PTPRR: variants seen among roughly 807,000 people sequenced by gnomAD.
The protein encoded by PTPRR is protein tyrosine phosphatase receptor type R.
Under a neutral mutation model 77.2 loss-of-function variants are expected in PTPRR, and 38 were observed. The ratio of observed to expected loss-of-function variants is 0.49; its 90% confidence interval spans 0.38 to 0.65. The LOEUF is 0.65. Ranked by LOEUF, PTPRR falls within the 30% of genes least tolerant of loss-of-function variation. PTPRR has a pLI of 0.00. For synonymous variants in PTPRR, 299 were observed against 283.1 expected (o/e 1.06, Z -0.57); for missense variants, 744 against 799.2 (o/e 0.93, Z 0.83).
intron 2 of PTPRR, among the ~76,000 whole-genome samples, chr12:70,831,888 T>G (rs905416610): frequency 6.6e-6 from 1 of 152,196 alleles, no homozygotes; most frequent in Non-Finnish European, 1.5e-5. Flanking sequence ...GGGTTCTTCT[T>G]GTAGCACTCT....
intron 2 of PTPRR, among the ~76,000 whole-genome samples, chr12:70,770,681 T>G (rs1265623163): frequency 1.3e-5 from 2 of 152,184 alleles, no homozygotes; most frequent in Non-Finnish European, 2.9e-5. Flanking sequence ...CTATAAATCA[T>G]GCTGCTATAA....
chr12:70,780,742 T>G (rs942558615), intron 2 of PTPRR, among the ~76,000 whole-genome samples: 1 of 152,206 alleles, frequency 6.6e-6, no homozygotes, highest in African/African-American at 2.4e-5. Context: ...CCCTGATGTT[T>G]TATTCTGTGT....
At chr12:70,742,962 T>C (rs561812577) in intron 6 of PTPRR, among the ~76,000 whole-genome samples, 34 of 152,284 alleles carry the variant, frequency 2.2e-4, no homozygotes, top group Non-Finnish European at 4.3e-4. Context: ...GTTGGTAGTG[T>C]TTAAGAAAGG....
chr12:70,761,677 G>A lies in PTPRR; in HGVS notation c.472-51C>T, dbSNP rs531375097. 4 of 1,384,478 alleles carry A rather than the reference G, an allele frequency of 2.9e-6. No homozygotes were observed. In the Admixed American group the frequency reaches 7.4e-5, roughly 26 times the overall value. The allele number at this position is 1,384,478 out of a possible 1,614,324, so 85.8% of individuals were successfully genotyped here. The stretch of plus-strand genomic sequence containing the variant: ...TGTTATAGACATTTTAAACAACTTT[G>A]GATAATATTTTTACCTGTCCTTTAG... On this transcript the variant is annotated intron_variant, in intron 3 of 13. Coordinates refer to ENST00000283228, the MANE Select transcript of PTPRR (RefSeq NM_002849.4).
intron 2 of PTPRR, among the ~76,000 whole-genome samples, chr12:70,891,674 A>C (rs1200819582): frequency 6.6e-6 from 1 of 152,144 alleles, no homozygotes; most frequent in East Asian, 1.9e-4. Context: ...AAACTAGATC[A>C]TAATAAATAC....
At chr12:70,742,712 G>T (rs2136919093) in intron 6 of PTPRR, among the ~76,000 whole-genome samples, 2 of 152,270 alleles carry the variant, frequency 1.3e-5, no homozygotes, top group South Asian at 4.1e-4. Flanking sequence ...AGAATTCGAG[G>T]TGGGGACCAG....
At chr12:70,798,914 C>T (rs1404434050) in intron 2 of PTPRR, among the ~76,000 whole-genome samples, 1 of 152,072 alleles carries the variant, frequency 6.6e-6, no homozygotes, top group African/African-American at 2.4e-5. Flanking sequence ...CTATCCTAGT[C>T]CCTGGTACAT....
At chr12:70,711,906 A>G (rs997889121) in intron 6 of PTPRR, among the ~76,000 whole-genome samples, 9 of 152,106 alleles carry the variant, frequency 5.9e-5, no homozygotes, top group Non-Finnish European at 1.3e-4. Flanking sequence ...CTCTCTCCAG[A>G]GTTTCTCCAA....
chr12:70,828,854 C>T (rs773935451), intron 2 of PTPRR, among the ~76,000 whole-genome samples: 12 of 152,182 alleles, frequency 7.9e-5, no homozygotes, highest in Middle Eastern at 3.4e-3. Flanking sequence ...ATTTGTGGGG[C>T]GGGGGACTCA....
At chr12:70,861,691 G>A (rs1331884754) in intron 2 of PTPRR, among the ~76,000 whole-genome samples, 3 of 152,076 alleles carry the variant, frequency 2.0e-5, no homozygotes, top group Admixed American at 6.6e-5. Flanking sequence ...TCCTGGGGCC[G>A]GGTAAGCAGA....
At chr12:70,747,965 T>G (rs1890265384) in intron 5 of PTPRR, among the ~76,000 whole-genome samples, 1 of 152,148 alleles carries the variant, frequency 6.6e-6, no homozygotes, top group African/African-American at 2.4e-5. Context: ...TTTGGCAGTG[T>G]CTGGAGGTAT....
At chr12:70,743,554 G>C (rs752224479) in intron 6 of PTPRR, among the ~76,000 whole-genome samples, 2 of 152,146 alleles carry the variant, frequency 1.3e-5, no homozygotes, top group Non-Finnish European at 2.9e-5. Context: ...AACTGATGAA[G>C]TTACTAGGGT....
At chr12:70,817,356 T>G (rs1891922800) in intron 2 of PTPRR, among the ~76,000 whole-genome samples, 1 of 152,196 alleles carries the variant, frequency 6.6e-6, no homozygotes, top group Non-Finnish European at 1.5e-5. Flanking sequence ...GGTCTGTATA[T>G]TAAGTAATAG....
intron 10 of PTPRR, among the ~76,000 whole-genome samples, chr12:70,676,757 AT>A (rs1410920512): frequency 6.6e-6 from 1 of 151,326 alleles, no homozygotes; most frequent in African/African-American, 2.4e-5. Context: ...TCCATATTCC[AT>A]TCCATTGGTC....
intron 2 of PTPRR, among the ~76,000 whole-genome samples, chr12:70,882,469 A>G (rs890023894): frequency 3.9e-5 from 6 of 152,166 alleles, no homozygotes; most frequent in Admixed American, 6.5e-5. Flanking sequence ...TATCATACTA[A>G]ACACTTTGGA....
intron 2 of PTPRR, among the ~76,000 whole-genome samples, chr12:70,808,663 A>G (rs904650800): frequency 3.3e-5 from 5 of 152,198 alleles, no homozygotes; most frequent in African/African-American, 1.2e-4. Flanking sequence ...AAGGTCCTCT[A>G]TGAATGAATC....
At chr12:70,849,628 T>A (rs150770764) in intron 2 of PTPRR, among the ~76,000 whole-genome samples, 4,338 of 152,296 alleles carry the variant, frequency 0.028, 102 homozygotes, top group Non-Finnish European at 0.045. Context: ...TTTTGACATT[T>A]CCATTGATTT....
chr12:70,722,086 G>A (rs762536623), intron 6 of PTPRR, among the ~76,000 whole-genome samples: 1 of 152,044 alleles, frequency 6.6e-6, no homozygotes, highest in Admixed American at 6.6e-5. Context: ...AATCTGTCCC[G>A]GCTATGCGCC....
chr12:70,782,510 TA>T (rs1891224610), intron 2 of PTPRR, among the ~76,000 whole-genome samples: 1 of 151,888 alleles, frequency 6.6e-6, no homozygotes, highest in South Asian at 2.1e-4. Flanking sequence ...TATGCAGCCA[TA>T]AAAAAGGATG....
Sources: gnomAD v4.1 joint callset for allele counts (sites outside exome capture counted in the v4.1 genomes callset) on GRCh38, gnomAD v4.1.1 for gene constraint, MANE v1.5 for transcripts, NCBI Gene and HGNC (gene_info 2026-07-23, HGNC 2026-07-21) for gene names.